SLC7A7: variants seen among roughly 807,000 people sequenced by gnomAD.
The protein encoded by SLC7A7 is solute carrier family 7 member 7, also known as Y+L amino acid transporter 1.
A neutral mutation model predicts 47.9 loss-of-function variants in SLC7A7; 39 were observed. That is an observed-to-expected ratio of 0.81 (90% CI 0.63 to 1.06). The LOEUF is 1.06. Among genes scored for constraint, SLC7A7 ranks in the 50% least tolerant of loss-of-function variants. The pLI is 0.00. For synonymous variants in SLC7A7, 234 were observed against 242.8 expected (o/e 0.96, Z 0.34); for missense variants, 588 against 632.0 (o/e 0.93, Z 0.75).
intron 2 of SLC7A7, among the ~76,000 whole-genome samples, chr14:22,805,401 G>T (rs2039184135): frequency 6.6e-6 from 1 of 152,034 alleles, no homozygotes; most frequent in Admixed American, 6.6e-5. Flanking sequence ...AAGAAAATGT[G>T]GTACATATAT....
rs1205973382 is a variant in SLC7A7, at chr14:22,795,406, CTT to C, written c.500-15357_500-15356del. On this transcript the variant is annotated intron_variant, in intron 2 of 9. Coordinates refer to ENST00000674313, the MANE Select transcript of SLC7A7 (RefSeq NM_003982.4). The stretch of plus-strand genomic sequence containing the variant: ...GCTTGCTTTCTTTCTTTCTTTCTTT[CTT>C]TCTTTCTTTCTTTCTTTCTTTCTTT... 3.0e-5 allele frequency among the ~76,000 whole-genome samples: 3 copies of C among 98,648 alleles called. 1 individual carries two copies. The highest frequency in any genetic ancestry group is 1.7e-4 in the African/African-American group (3 of 17,710). The allele number at this position is 98,648 out of a possible 152,430, so 64.7% of individuals were successfully genotyped here.
intron 2 of SLC7A7, among the ~76,000 whole-genome samples, chr14:22,785,326 C>G (rs978002692): frequency 1.3e-5 from 2 of 152,168 alleles, no homozygotes; most frequent in Non-Finnish European, 2.9e-5. Context: ...TTTTACTAAG[C>G]CAACAGCGTC....
chr14:22,791,725 G>A (rs1214189051), intron 2 of SLC7A7, among the ~76,000 whole-genome samples: 2 of 151,864 alleles, frequency 1.3e-5, no homozygotes, highest in African/African-American at 4.8e-5. Flanking sequence ...CTCTGGAAAC[G>A]CCTCATATCT....
chr14:22,796,703 G>A (rs986292109), intron 2 of SLC7A7, among the ~76,000 whole-genome samples: 2 of 152,126 alleles, frequency 1.3e-5, no homozygotes, highest in African/African-American at 4.8e-5. Flanking sequence ...TCTCAGTGTG[G>A]GCAAGTGTAG....
chr14:22,777,142 TAAAA>T (rs35326556), intron 4 of SLC7A7, among the ~76,000 whole-genome samples: 2 of 64,140 alleles, frequency 3.1e-5, no homozygotes, highest in Non-Finnish European at 5.7e-5. Flanking sequence ...AGACCCTGTC[TAAAA>T]AAAAAAAAAA....
chr14:22,775,401 C>T (rs980824268), intron 7 of SLC7A7, 43 bp downstream of exon 7: 5 of 1,484,992 alleles, frequency 3.4e-6, no homozygotes, highest in Non-Finnish European at 4.7e-6. Context: ...ACTAAAGTTT[C>T]CCCCGCAATC....
At chr14:22,801,165 T>A (rs2039106410) in intron 2 of SLC7A7, among the ~76,000 whole-genome samples, 2 of 152,156 alleles carry the variant, frequency 1.3e-5, no homozygotes. Flanking sequence ...CTAGCACAGC[T>A]TATAAAGCTT....
intron 2 of SLC7A7, among the ~76,000 whole-genome samples, chr14:22,783,240 T>A (rs1243982311): frequency 6.6e-6 from 1 of 151,604 alleles, no homozygotes; most frequent in Admixed American, 6.6e-5. Context: ...CTGTTTTAAT[T>A]TTTTTAGAGA....
chr14:22,794,294 T>A (rs2038975479), intron 2 of SLC7A7, among the ~76,000 whole-genome samples: 1 of 152,184 alleles, frequency 6.6e-6, no homozygotes, highest in African/African-American at 2.4e-5. Flanking sequence ...ACACACCAAA[T>A]GCAATCCCTG....
intron 2 of SLC7A7, among the ~76,000 whole-genome samples, chr14:22,783,698 C>T (rs1324078823): frequency 2.6e-5 from 4 of 151,834 alleles, no homozygotes; most frequent in Non-Finnish European, 5.9e-5. Context: ...ACCGGCGTGG[C>T]GTGCCCAGTC....
chr14:22,778,765 T>C, intron 4 of SLC7A7, 28 bp downstream of exon 4: 1 of 1,610,474 alleles, frequency 6.2e-7, no homozygotes. Context: ...CTATCACTGC[T>C]ATGGAAAGTT....
rs1566443205 is a variant in SLC7A7 at position 22,779,467 on chromosome 14, G to GC, written c.625+458_625+459insG. Among the ~76,000 whole-genome samples, 527 of 100,562 alleles carry GC rather than the reference G, an allele frequency of 5.2e-3. 2 individuals are homozygous for GC. Among genetic ancestry groups the GC allele is most frequent in the African/African-American group, 0.022 (504 of 22,684 alleles). 66.0% of individuals were successfully genotyped at this position (100,562 alleles called of 152,430 possible). A position where few individuals can be genotyped will look rare whatever the true frequency, so the allele number is the denominator to read the frequency against. ...AGATATTTAATTCTTTTTTTTTTTT[G>GC]GGGGGGGGACAGAGTCTCGCTCTGT... On this transcript the variant is annotated intron_variant, in intron 3 of 9. Transcript: ENST00000674313.
At chr14:22,787,083 T>C (rs4981442) in intron 2 of SLC7A7, among the ~76,000 whole-genome samples, 24,845 of 152,266 alleles carry the variant, frequency 0.16, 2,623 homozygotes, top group Non-Finnish European at 0.23. Flanking sequence ...TCTTTAATTT[T>C]GTGAAATCTG....
At chr14:22,777,379 G>C (rs1394849715) in intron 4 of SLC7A7, among the ~76,000 whole-genome samples, 5 of 152,114 alleles carry the variant, frequency 3.3e-5, no homozygotes, top group Non-Finnish European at 5.9e-5. Context: ...AATAAGATAG[G>C]CCTTCAGTAG....
At chr14:22,811,590 C>T (rs1016856680) in intron 2 of SLC7A7, among the ~76,000 whole-genome samples, 1 of 152,200 alleles carries the variant, frequency 6.6e-6, no homozygotes, top group Non-Finnish European at 1.5e-5. Flanking sequence ...TGGCTCACGC[C>T]TGTGATCCCA....
upstream of SLC7A7, chr14:22,816,474 T>C (rs2039409083): frequency 6.8e-6 from 1 of 147,290 alleles, no homozygotes; most frequent in Non-Finnish European, 1.5e-5. Context: ...GCCACTGCAC[T>C]CCAGCCTGGG....
Position 22,774,360 on chromosome 14 carries a change from G to A in SLC7A7, c.1239C>T (p.Pro413=). 1 of 1,614,088 alleles carries A rather than the reference G, an allele frequency of 6.2e-7. No individual in the cohort carries two copies. Among genetic ancestry groups the A allele is most frequent in the African/African-American group, 1.3e-5 (1 of 75,006 alleles). ...LRWKEPDRPR[P]LKLSVFFPIV... is the part of the protein sequence containing the mutation. ...TAGGATGGAGTTGCCTTACCTTGAG[G>A]GGACGAGGTCGATCAGGCTCCTTCC... The change falls in exon 8 of 10, where the codon CCC becomes CCT. Residue 413 remains proline (P), a synonymous_variant. Transcript: ENST00000674313.
intron 2 of SLC7A7, among the ~76,000 whole-genome samples, chr14:22,783,894 G>A (rs1249003152): frequency 6.6e-6 from 1 of 152,200 alleles, no homozygotes; most frequent in Non-Finnish European, 1.5e-5. Flanking sequence ...GGGAGCAGAG[G>A]GAACTGCCTG....
chr14:22,776,046 G>T, intron 5 of SLC7A7, 110 bp from the exon 6 acceptor site: 1 of 1,416,158 alleles, frequency 7.1e-7, no homozygotes, highest in Non-Finnish European at 1.0e-6. Context: ...TTCTTCCACA[G>T]TGGGGTTAAC....
Sources: allele counts gnomAD v4.1 joint callset (sites outside exome capture counted in the v4.1 genomes callset), GRCh38; gene constraint gnomAD v4.1.1; transcripts MANE v1.5; gene names NCBI Gene and HGNC (gene_info 2026-07-23, HGNC 2026-07-21).